The following PGM5 variants were observed in gnomAD, a reference collection of about 807,000 sequenced individuals.
The protein encoded by PGM5 is phosphoglucomutase 5.
Under a neutral mutation model 59.2 loss-of-function variants are expected in PGM5, and 23 were observed. That is an observed-to-expected ratio of 0.39 (90% confidence interval 0.28 to 0.55). The LOEUF is 0.55. Among genes scored for constraint, PGM5 ranks in the 20% least tolerant of loss-of-function variants. The pLI is 0.66. For missense variants in PGM5, 574 were observed against 748.3 expected (o/e 0.77, Z 2.72); for synonymous variants, 214 against 286.0 (o/e 0.75, Z 2.54).
intron 6 of PGM5, among the ~76,000 whole-genome samples, chr9:68,413,732 C>T (rs1321278346): frequency 2.0e-5 from 3 of 152,130 alleles, no homozygotes; most frequent in African/African-American, 4.8e-5. Flanking sequence ...AGGTTATTGC[C>T]TCCACTATTT....
At chr9:68,466,934 G>A (rs1554685870) in intron 7 of PGM5, among the ~76,000 whole-genome samples, 4 of 152,186 alleles carry the variant, frequency 2.6e-5, no homozygotes, top group Admixed American at 2.6e-4. Flanking sequence ...TCTCCCCAGA[G>A]GCAGAAGAGT....
rs782391992 is a variant in PGM5 at position 68,465,152 on chromosome 9, C to T, written c.1103C>T (p.Ser368Leu). 45 of 1,613,374 alleles carry T rather than the reference C, an allele frequency of 2.8e-5. No individual in the cohort carries two copies. The highest frequency in any genetic ancestry group is 4.0e-5 in the African/African-American group (3 of 74,892). The change falls in exon 7 of 11, where the codon TCA (serine) becomes TTA (leucine). Residue 368 changes from serine (S) to leucine (L), a missense_variant. This residue lies in a region of PGM5 where 300 missense variants were observed against 280.0 expected (regional missense o/e 1.07). Coordinates refer to ENST00000396396, the MANE Select transcript of PGM5 (RefSeq NM_021965.4). ...YETPAGWRFFSNLMDSGRCNL... is the reference protein window; with the variant it reads ...YETPAGWRFFLNLMDSGRCNL... ...ACCCCAGCTGGATGGAGATTCTTCT[C>T]AAATCTGATGGACTCAGGACGTTGC... is the stretch of plus-strand genomic sequence containing the variant.
intron 6 of PGM5, among the ~76,000 whole-genome samples, chr9:68,401,049 T>C (rs1554680568): frequency 6.6e-6 from 1 of 151,652 alleles, no homozygotes; most frequent in East Asian, 1.9e-4. Flanking sequence ...TTTCTAAGAG[T>C]TGGTGTCTAA....
At chr9:68,499,082 G>T (rs1824527787) in intron 9 of PGM5, 145 bp from the exon 10 acceptor site, 8 of 802,676 alleles carry the variant, frequency 1.0e-5, no homozygotes, top group Admixed American at 8.9e-5. Context: ...TTCATTACAT[G>T]CCCTGTATCC....
At chr9:68,446,597 C>A (rs782747689) in intron 6 of PGM5, among the ~76,000 whole-genome samples, 1 of 152,088 alleles carries the variant, frequency 6.6e-6, no homozygotes, top group Non-Finnish European at 1.5e-5. Context: ...AATGGGGAAA[C>A]GAAGGCTAGG....
intron 4 of PGM5, among the ~76,000 whole-genome samples, 167 bp from the exon 5 acceptor site, chr9:68,391,367 T>C (rs1822358958): frequency 6.6e-6 from 1 of 151,946 alleles, no homozygotes; most frequent in South Asian, 2.1e-4. Context: ...AGATGCTCAA[T>C]AAATAGTAGT....
chr9:68,445,179 G>A (rs1823591996), intron 6 of PGM5, among the ~76,000 whole-genome samples: 1 of 151,868 alleles, frequency 6.6e-6, no homozygotes, highest in Admixed American at 6.6e-5. Context: ...ATGTTAGAGT[G>A]CGTAAGAATC....
intron 7 of PGM5, among the ~76,000 whole-genome samples, chr9:68,466,896 A>G (rs993938787): frequency 1.3e-5 from 2 of 152,202 alleles, no homozygotes; most frequent in African/African-American, 2.4e-5. Flanking sequence ...GTATTGGTGC[A>G]GGATTCTGAG....
At chr9:68,423,868 G>T (rs782763108) in intron 6 of PGM5, among the ~76,000 whole-genome samples, 1 of 152,162 alleles carries the variant, frequency 6.6e-6, no homozygotes. Flanking sequence ...GGAGCAGGAA[G>T]TGGACAAGAA....
At chr9:68,450,781 T>A (rs1823684226) in intron 6 of PGM5, among the ~76,000 whole-genome samples, 1 of 152,220 alleles carries the variant, frequency 6.6e-6, no homozygotes, top group African/African-American at 2.4e-5. Context: ...ACTCAGTCAA[T>A]AGCTTAGTGC....
chr9:68,483,767 C>T, intron 8 of PGM5, 98 bp from the exon 9 acceptor site: 1 of 1,098,788 alleles, frequency 9.1e-7, no homozygotes, highest in Non-Finnish European at 1.3e-6. Flanking sequence ...CTGTGCTGTC[C>T]TTCCCTGGAA....
chr9:68,370,260 T>G (rs1554677062), intron 1 of PGM5, among the ~76,000 whole-genome samples: 2 of 152,208 alleles, frequency 1.3e-5, no homozygotes, highest in African/African-American at 4.8e-5. Flanking sequence ...GGGAATGTCA[T>G]GCTTAATTTT....
At chr9:68,482,372 A>G (rs1205302576) in intron 8 of PGM5, among the ~76,000 whole-genome samples, 2 of 152,146 alleles carry the variant, frequency 1.3e-5, no homozygotes, top group Non-Finnish European at 2.9e-5. Context: ...CTGCTGAAAA[A>G]GAATGTTCTG....
chr9:68,365,546 A>G (rs1352363797), intron 1 of PGM5, among the ~76,000 whole-genome samples: 1 of 152,230 alleles, frequency 6.6e-6, no homozygotes, highest in Admixed American at 6.5e-5. Context: ...AGTAACATCA[A>G]CTTTTGAAGT....
At chr9:68,376,094 GT>G (rs1437940622) in intron 1 of PGM5, among the ~76,000 whole-genome samples, 1 of 152,190 alleles carries the variant, frequency 6.6e-6, no homozygotes, top group Non-Finnish European at 1.5e-5. Context: ...TTTTGGGTTG[GT>G]GAGGGACAAG....
At chr9:68,447,814 C>A (rs1378835258) in intron 6 of PGM5, among the ~76,000 whole-genome samples, 2 of 152,146 alleles carry the variant, frequency 1.3e-5, no homozygotes, top group African/African-American at 4.8e-5. Flanking sequence ...TGGAATTGGA[C>A]AGGACAGGGC....
intron 7 of PGM5, among the ~76,000 whole-genome samples, chr9:68,466,909 CAAGTTTT>C (rs1823943863): frequency 6.6e-6 from 1 of 152,196 alleles, no homozygotes; most frequent in Non-Finnish European, 1.5e-5. Context: ...ATTCTGAGCA[CAAGTTTT>C]CCTACCCTCT....
Position 68,356,642 on chromosome 9 carries a change from G to A in PGM5, c.-486G>A, listed in dbSNP as rs1487359086. Among the ~76,000 whole-genome samples the A allele has an allele frequency of 6.6e-6, 1 of 152,294 alleles. No homozygotes were observed. The highest frequency in any genetic ancestry group is 1.5e-5 in the Non-Finnish European group (1 of 68,052). ...CCAGGGAGACAGGGAGACGGGCCGG[G>A]CGCCGGAGAGGAACCCGGACTCTGC... On this transcript the variant is annotated 5_prime_UTR_variant, in exon 1 of 11. Transcript: ENST00000396396.
intron 7 of PGM5, among the ~76,000 whole-genome samples, chr9:68,473,360 A>T (rs1483131742): frequency 3.9e-5 from 6 of 152,220 alleles, no homozygotes; most frequent in African/African-American, 1.2e-4. Flanking sequence ...ACCACATAGG[A>T]TGCTTTACCC....
Sources: gnomAD v4.1 joint callset for allele counts (sites outside exome capture counted in the v4.1 genomes callset) on GRCh38, gnomAD v4.1.1 for gene constraint, gnomAD v4.1.1 regional missense constraint, MANE v1.5 for transcripts, NCBI Gene and HGNC (gene_info 2026-07-23, HGNC 2026-07-21) for gene names.